The following MCF2L variants were observed in gnomAD, a reference collection of about 807,000 sequenced individuals.
MCF2L encodes guanine nucleotide exchange factor DBS.
Under a neutral mutation model 153.4 loss-of-function variants are expected in MCF2L, and 97 were observed. The observed-to-expected ratio is 0.63, with a 90% CI of 0.54 to 0.75. The LOEUF (loss-of-function observed/expected upper bound fraction) is 0.75, where lower values mean the gene tolerates loss of function less well. Ranked by LOEUF, MCF2L falls within the 30% of genes least tolerant of loss-of-function variation. MCF2L has a pLI of 0.00. For synonymous variants in MCF2L, 659 were observed against 632.2 expected, an observed-to-expected ratio of 1.04 and a Z score of -0.64; for missense variants, 1,347 against 1,495.2, an observed-to-expected ratio of 0.90 and a Z score of 1.64.
chr13:112,916,480 C>T (rs1010572224), intron 2 of MCF2L, among the ~76,000 whole-genome samples: 11 of 152,142 alleles, frequency 7.2e-5, no homozygotes, highest in East Asian at 1.9e-4. Context: ...TCCGCACGTC[C>T]GCGCTCTCGC....
At chr13:113,090,094 G>C (rs2035058637) in intron 26 of MCF2L, 2 of 1,551,060 alleles carry the variant, frequency 1.3e-6, no homozygotes, top group Non-Finnish European at 1.7e-6. Context: ...CTCTGCCTCA[G>C]AAAGCTCTGC....
intron 27 of MCF2L, chr13:113,095,765 T>C: frequency 5.0e-6 from 5 of 997,364 alleles, no homozygotes; most frequent in African/African-American, 1.7e-5. Context: ...GCTGTGAATC[T>C]CCCCACTCTG....
intron 3 of MCF2L, among the ~76,000 whole-genome samples, chr13:113,026,143 T>A (rs113200183): frequency 1.1e-3 from 29 of 27,438 alleles, no homozygotes; most frequent in South Asian, 3.9e-3. Context: ...TGACTGTGGG[T>A]CGGGGCAGAG....
rs571861589 is a variant in MCF2L at position 113,096,193 on chromosome 13, G to A, written c.3076-178G>A. Reference sequence around the variant, plus strand: ...ACAGACGCCTTCCATCGCCGCTGCGGTAGTCATGCCCTGCGGCGTAGCCTC... The same window carrying A: ...ACAGACGCCTTCCATCGCCGCTGCGATAGTCATGCCCTGCGGCGTAGCCTC... On this transcript the variant is annotated intron_variant, in intron 27 of 29. Coordinates refer to ENST00000535094, the MANE Select transcript of MCF2L (RefSeq NM_001112732.3). The A allele has an allele frequency of 8.7e-5, 53 of 611,384 alleles. 1 individual carries two copies. The South Asian group carries it at 1.0e-3, about 12-fold the overall frequency. The allele number at this position is 611,384 out of a possible 1,614,324, so 37.9% of individuals were successfully genotyped here.
chr13:112,940,438 G>A (rs1312284587), intron 2 of MCF2L, among the ~76,000 whole-genome samples: 1 of 152,238 alleles, frequency 6.6e-6, no homozygotes, highest in Non-Finnish European at 1.5e-5. Context: ...CTTGTGGGCA[G>A]TCACTTCCCG....
At chr13:112,938,900 T>G (rs764026537) in intron 2 of MCF2L, among the ~76,000 whole-genome samples, 4 of 152,018 alleles carry the variant, frequency 2.6e-5, no homozygotes, top group Non-Finnish European at 2.9e-5. Flanking sequence ...GGCAGAGACC[T>G]CCTGCCTTGC....
At chr13:112,963,732 G>T (rs886953236) in intron 2 of MCF2L, among the ~76,000 whole-genome samples, 5 of 152,234 alleles carry the variant, frequency 3.3e-5, no homozygotes, top group Admixed American at 2.0e-4. Flanking sequence ...CTCAGATGGA[G>T]TCGCCCTGGA....
chr13:112,904,313 A>G lies in MCF2L; in HGVS notation c.169+1942A>G, dbSNP rs1440370218. Among the ~76,000 whole-genome samples the G allele has an allele frequency of 6.6e-6, 1 of 152,106 alleles. No homozygotes were observed. Among genetic ancestry groups the G allele is most frequent in the Non-Finnish European group, 1.5e-5 (1 of 68,018 alleles). ...ACCGAGCTCTCCCAGGCTCAGGAGCATGTCAGGGTCCACCGTGCACCAGCC... is the reference window on the plus strand; with the variant it reads ...ACCGAGCTCTCCCAGGCTCAGGAGCGTGTCAGGGTCCACCGTGCACCAGCC... On this transcript the variant is annotated intron_variant, in intron 2 of 29. Transcript: ENST00000375608. The surrounding 1 kb of genome is among the most constrained non-coding windows in gnomAD (Gnocchi z 4.2).
chr13:113,048,218 A>G (rs945342686), intron 4 of MCF2L, among the ~76,000 whole-genome samples: 8 of 152,168 alleles, frequency 5.3e-5, no homozygotes, highest in Non-Finnish European at 1.2e-4. Context: ...CTCATCTTGA[A>G]AGCTCTGTCT....
At chr13:113,052,764 T>C (rs567371267) in intron 4 of MCF2L, 1 of 152,158 alleles carries the variant, frequency 6.6e-6, no homozygotes, top group South Asian at 2.1e-4. Context: ...CGTGTGTGTG[T>C]GTGTGCGTGT....
At chr13:112,958,328 T>C (rs951277529) in intron 2 of MCF2L, among the ~76,000 whole-genome samples, 6 of 152,200 alleles carry the variant, frequency 3.9e-5, no homozygotes, top group Admixed American at 3.9e-4. Context: ...AGGATTTCCA[T>C]GTGACAGTCT....
chr13:112,929,307 C>T (rs1328617418), intron 2 of MCF2L, among the ~76,000 whole-genome samples: 3 of 152,222 alleles, frequency 2.0e-5, no homozygotes, highest in Non-Finnish European at 1.5e-5. Flanking sequence ...TAATGTGAAT[C>T]TCTTTCCCCG....
At position 113,039,002 on chromosome 13, in the gene MCF2L, C is replaced by T. The variant is rs181992754; in HGVS notation, c.279-6269C>T. Among the ~76,000 whole-genome samples, 1,311 of 152,254 alleles carry T rather than the reference C, an allele frequency of 8.6e-3. 14 individuals carry two copies. The highest frequency in any genetic ancestry group is 0.028 in the African/African-American group (1,166 of 41,538). On this transcript the variant is annotated intron_variant, in intron 3 of 29. Transcript: ENST00000535094. Reference sequence around the variant, plus strand: ...CCTCCCGCATAGCTGGGACTACAGGCGCCCGCCACCACGCCCTGCTGATTT... The same window carrying T: ...CCTCCCGCATAGCTGGGACTACAGGTGCCCGCCACCACGCCCTGCTGATTT...
intron 2 of MCF2L, among the ~76,000 whole-genome samples, chr13:112,921,223 C>CA (rs1301208051): frequency 6.6e-6 from 1 of 151,932 alleles, no homozygotes; most frequent in Non-Finnish European, 1.5e-5. Context: ...GAAAACAAAA[C>CA]AAAAAAACTG....
intron 1 of MCF2L, chr13:112,902,117 A>G (rs1221888596): frequency 9.2e-7 from 1 of 1,082,638 alleles, no homozygotes; most frequent in African/African-American, 1.6e-5. Flanking sequence ...GTAACTAGTT[A>G]TTTCGGTTTT....
At position 112,985,034 on chromosome 13, in the gene MCF2L, T is replaced by C. The variant is rs183986047; in HGVS notation, c.79+15576T>C. 7.1e-3 allele frequency: 1,348 copies of C among 189,540 alleles called. 5 individuals are homozygous for C. The highest frequency in any genetic ancestry group is 0.012 in the Middle Eastern group (5 of 412). 11.7% of individuals were successfully genotyped at this position (189,540 alleles called of 1,614,324 possible). On this transcript the variant is annotated intron_variant, in intron 1 of 29. Coordinates refer to ENST00000535094, the MANE Select transcript of MCF2L (RefSeq NM_001112732.3). Reference sequence around the variant, plus strand: ...GACCTGCTGCGTTTCATCTTCCGGCTGCCTGTTTAAAGCAAGGGAGGCCAT... The same window carrying C: ...GACCTGCTGCGTTTCATCTTCCGGCCGCCTGTTTAAAGCAAGGGAGGCCAT...
intron 2 of MCF2L, among the ~76,000 whole-genome samples, chr13:112,940,980 T>A (rs560207195): frequency 2.3e-4 from 35 of 152,298 alleles, no homozygotes; most frequent in African/African-American, 7.7e-4. Flanking sequence ...GGAAGAGGAC[T>A]GCCTGGGAGC....
chr13:112,915,410 C>CAAAA (rs779274453), intron 2 of MCF2L, among the ~76,000 whole-genome samples: 3 of 86,924 alleles, frequency 3.5e-5, no homozygotes, highest in African/African-American at 1.6e-4. Flanking sequence ...CTCTGTCTCA[C>CAAAA]AAAAAAAAAA....
chr13:113,001,773 G>C (rs1351088029), intron 1 of MCF2L: 1 of 1,403,750 alleles, frequency 7.1e-7, no homozygotes, highest in Non-Finnish European at 9.2e-7. Flanking sequence ...GCAGAGGCCA[G>C]GTCTGCCCAG....
Sources: allele counts gnomAD v4.1 joint callset (sites outside exome capture counted in the v4.1 genomes callset), GRCh38; gene constraint gnomAD v4.1.1; non-coding constraint Gnocchi (gnomAD v3.1); transcripts MANE v1.5; gene names NCBI Gene and HGNC (gene_info 2026-07-23, HGNC 2026-07-21).